PPP1R21: variants seen among roughly 807,000 people sequenced by gnomAD.
PPP1R21 encodes the protein KLRAQ motif containing 1.
A neutral mutation model predicts 112.8 loss-of-function variants in PPP1R21; 85 were observed. The ratio of observed to expected loss-of-function variants is 0.75; its 90% CI spans 0.63 to 0.90. The LOEUF (loss-of-function observed/expected upper bound fraction) is 0.90. Among genes scored for constraint, PPP1R21 ranks in the 40% least tolerant of loss-of-function variants. The pLI is 0.00. For missense variants in PPP1R21, 1,199 were observed against 901.5 expected, an observed-to-expected ratio of 1.33 and a Z score of -4.23; for synonymous variants, 381 against 322.3, an observed-to-expected ratio of 1.18 and a Z score of -1.95.
At position 48,451,081 on chromosome 2, in the gene PPP1R21, G is replaced by A. The variant is rs374280582; in HGVS notation, c.126+5G>A. On this transcript the variant is annotated splice_donor_5th_base_variant and intron_variant, in intron 2 of 21. Transcript: ENST00000294952. ...GCAAATTCTGCAGCTTTAAAGGTGG[G>A]CAACAGGATATTTGTGTTGTGAGGG... 3.0e-5 allele frequency: 48 copies of A among 1,610,840 alleles called. No homozygotes were observed. The highest frequency in any genetic ancestry group is 4.0e-5 in the Non-Finnish European group (47 of 1,177,154).
At chr2:48,460,344 GT>G (rs1667921803) in intron 6 of PPP1R21, among the ~76,000 whole-genome samples, 191 bp downstream of exon 6, 3 of 152,150 alleles carry the variant, frequency 2.0e-5, no homozygotes, top group Admixed American at 2.0e-4. Context: ...CTGTGTATTA[GT>G]TCTCAGCCTG....
intron 14 of PPP1R21, among the ~76,000 whole-genome samples, chr2:48,489,481 C>T (rs1244441802): frequency 6.6e-6 from 1 of 151,412 alleles, no homozygotes; most frequent in Non-Finnish European, 1.5e-5. Flanking sequence ...TAGCTGGGAA[C>T]ACAGACGCAC....
At chr2:48,492,692 A>G (rs1196764446) in intron 15 of PPP1R21, among the ~76,000 whole-genome samples, 1 of 152,218 alleles carries the variant, frequency 6.6e-6, no homozygotes, top group South Asian at 2.1e-4. Context: ...GTTGTCCTTC[A>G]AAATGGGCAC....
intron 18 of PPP1R21, among the ~76,000 whole-genome samples, chr2:48,506,917 G>C (rs946300128): frequency 6.9e-6 from 1 of 144,440 alleles, no homozygotes; most frequent in South Asian, 2.1e-4. Flanking sequence ...CTGCACTCCA[G>C]CCTGGTGACG....
chr2:48,455,892 T>G (rs1181127044), intron 3 of PPP1R21, among the ~76,000 whole-genome samples: 1 of 151,698 alleles, frequency 6.6e-6, no homozygotes, highest in Non-Finnish European at 1.5e-5. Context: ...CAGGCGCCTA[T>G]AGTTCCAGCT....
Position 48,473,542 on chromosome 2 carries a change from T to C in PPP1R21, c.1089-1141T>C, listed in dbSNP as rs191661748. On this transcript the variant is annotated intron_variant, in intron 11 of 21. Transcript: ENST00000294952. ...TGTCCCATATGCTTTCAGCCCTGCTTCACGAGTTATTAATATTTTTCAGCA... is the reference window on the plus strand; with the variant it reads ...TGTCCCATATGCTTTCAGCCCTGCTCCACGAGTTATTAATATTTTTCAGCA... Among the ~76,000 whole-genome samples, 54 of 152,360 alleles carry C rather than the reference T, an allele frequency of 3.5e-4. No homozygotes were observed. In the East Asian group the frequency reaches 0.01, roughly 29 times the overall value.
At chr2:48,471,456 T>C in intron 11 of PPP1R21, 89 bp downstream of exon 11, 1 of 1,294,054 alleles carries the variant, frequency 7.7e-7, no homozygotes, top group Non-Finnish European at 1.1e-6. Flanking sequence ...ATGTGCCTCT[T>C]GTGATCTGCC....
At chr2:48,458,069 T>C (rs751106892) in intron 3 of PPP1R21, 57 bp from the exon 4 acceptor site, 1 of 1,111,684 alleles carries the variant, frequency 9.0e-7, no homozygotes, top group Non-Finnish European at 1.4e-6. Flanking sequence ...CTGTGTACCT[T>C]AGGATGTTTC....
At chr2:48,475,930 T>C (rs1325429403) in intron 12 of PPP1R21, among the ~76,000 whole-genome samples, 1 of 152,204 alleles carries the variant, frequency 6.6e-6, no homozygotes, top group Non-Finnish European at 1.5e-5. Context: ...TCTGGTACTA[T>C]GGTTTTTTTT....
intron 15 of PPP1R21, among the ~76,000 whole-genome samples, chr2:48,494,312 T>A (rs927689860): frequency 7.0e-6 from 1 of 141,980 alleles, no homozygotes; most frequent in African/African-American, 2.6e-5. Flanking sequence ...GTGCCTAACC[T>A]ACCAACCATC....
chr2:48,448,776 C>T (rs942672526), intron 1 of PPP1R21, among the ~76,000 whole-genome samples: 1 of 152,178 alleles, frequency 6.6e-6, no homozygotes, highest in African/African-American at 2.4e-5. Context: ...TGGTATTTCT[C>T]TCTTTTGAAC....
At chr2:48,470,755 C>A (rs1459859521) in intron 9 of PPP1R21, among the ~76,000 whole-genome samples, 1 of 152,034 alleles carries the variant, frequency 6.6e-6, no homozygotes, top group African/African-American at 2.4e-5. Flanking sequence ...GGAGGCTGAC[C>A]TGTTGGTCCT....
At chr2:48,479,875 C>A (rs753141547) in intron 12 of PPP1R21, 49 bp from the exon 13 acceptor site, 7 of 1,084,554 alleles carry the variant, frequency 6.5e-6, no homozygotes, top group South Asian at 5.0e-5. Flanking sequence ...ATACAATGGG[C>A]AGTCCATTTT....
chr2:48,472,621 G>T (rs1446270485), intron 11 of PPP1R21, among the ~76,000 whole-genome samples: 1 of 149,378 alleles, frequency 6.7e-6, no homozygotes, highest in African/African-American at 2.5e-5. Context: ...GTGAGACTCC[G>T]TCTCAAAAAA....
chr2:48,449,799 T>G (rs1572828136), intron 1 of PPP1R21, among the ~76,000 whole-genome samples: 1 of 152,024 alleles, frequency 6.6e-6, no homozygotes, highest in East Asian at 1.9e-4. Context: ...CAAAGATGTC[T>G]CATTCTTTCA....
intron 18 of PPP1R21, among the ~76,000 whole-genome samples, chr2:48,506,029 A>G (rs935424213): frequency 2.6e-5 from 4 of 152,238 alleles, no homozygotes; most frequent in African/African-American, 9.6e-5. Flanking sequence ...AAGTGAACCC[A>G]GGTCAGATTT....
chr2:48,502,676 CTTT>C (rs762811938), intron 17 of PPP1R21, among the ~76,000 whole-genome samples: 1 of 94,042 alleles, frequency 1.1e-5, no homozygotes, highest in Non-Finnish European at 2.1e-5. Context: ...AGAAACTTTT[CTTT>C]TTTTTTTTTT....
intron 9 of PPP1R21, among the ~76,000 whole-genome samples, chr2:48,467,656 G>A (rs948061640): frequency 6.6e-6 from 1 of 152,168 alleles, no homozygotes; most frequent in Non-Finnish European, 1.5e-5. Context: ...CATAGTGAGC[G>A]ATCTAAGAGC....
At chr2:48,472,769 G>C (rs1572857213) in intron 11 of PPP1R21, among the ~76,000 whole-genome samples, 1 of 151,996 alleles carries the variant, frequency 6.6e-6, no homozygotes, top group East Asian at 1.9e-4. Flanking sequence ...GGCAGCATAG[G>C]GAGACCTGTC....
Sources: allele counts gnomAD v4.1 joint callset (sites outside exome capture counted in the v4.1 genomes callset), GRCh38; gene constraint gnomAD v4.1.1; transcripts MANE v1.5; gene names NCBI Gene and HGNC (gene_info 2026-07-23, HGNC 2026-07-21).